The following DIAPH3 variants were observed in gnomAD, a reference collection of about 807,000 sequenced individuals.
DIAPH3 encodes the protein diaphanous related formin 3.
Under a neutral mutation model 144.3 loss-of-function variants are expected in DIAPH3, and 117 were observed. That is an observed-to-expected ratio of 0.81 (90% CI 0.70 to 0.95). The LOEUF (loss-of-function observed/expected upper bound fraction) is 0.95, where lower values mean the gene tolerates loss of function less well. Ranked by LOEUF, DIAPH3 falls within the 40% of genes least tolerant of loss-of-function variation. DIAPH3 has a pLI of 0.00. For synonymous variants in DIAPH3, 519 were observed against 488.9 expected (o/e 1.06, Z -0.81); for missense variants, 1,421 against 1,412.7 (o/e 1.01, Z -0.09).
chr13:60,155,845 C>G lies in DIAPH3; in HGVS notation c.180+7742G>C, dbSNP rs546319679. Among the ~76,000 whole-genome samples the G allele has an allele frequency of 2.5e-4, 38 of 152,288 alleles. 1 individual carries two copies. The South Asian group carries it at 3.7e-3, about 15-fold the overall frequency. On this transcript the variant is annotated intron_variant, in intron 1 of 27. Coordinates refer to ENST00000400324, the MANE Select transcript of DIAPH3 (RefSeq NM_001042517.2). ...ATGAATGGAGGTTTTGGTTGTTATTCCAGTGGTGGTTTATTTTTCTATTGT... is the reference window on the plus strand; with the variant it reads ...ATGAATGGAGGTTTTGGTTGTTATTGCAGTGGTGGTTTATTTTTCTATTGT...
At chr13:59,861,124 G>T in intron 22 of DIAPH3, 1 of 974,240 alleles carries the variant, frequency 1.0e-6, no homozygotes, top group Non-Finnish European at 1.4e-6. Flanking sequence ...AAGTGCAGGA[G>T]ATTTAGCAGT....
At chr13:60,050,915 G>T (rs1290349886) in intron 4 of DIAPH3, among the ~76,000 whole-genome samples, 1 of 152,110 alleles carries the variant, frequency 6.6e-6, no homozygotes, top group Non-Finnish European at 1.5e-5. Flanking sequence ...AACATTAGAT[G>T]TCCTCAATAT....
At chr13:59,870,144 G>A (rs1273950919) in intron 21 of DIAPH3, among the ~76,000 whole-genome samples, 1 of 150,156 alleles carries the variant, frequency 6.7e-6, no homozygotes, top group Non-Finnish European at 1.5e-5. Context: ...TAATTTTTGT[G>A]AAAGATATTA....
intron 27 of DIAPH3, among the ~76,000 whole-genome samples, chr13:59,674,930 G>A (rs2032560009): frequency 6.6e-6 from 1 of 152,212 alleles, no homozygotes; most frequent in Admixed American, 6.5e-5. Context: ...TAGATACCAG[G>A]TCAGAAGTAA....
At chr13:59,716,595 T>C (rs2035074631) in intron 27 of DIAPH3, among the ~76,000 whole-genome samples, 1 of 152,236 alleles carries the variant, frequency 6.6e-6, no homozygotes, top group Non-Finnish European at 1.5e-5. Context: ...ATATGCTGAA[T>C]AGCTCCTAGT....
At chr13:60,116,900 G>T (rs1288752240) in intron 2 of DIAPH3, among the ~76,000 whole-genome samples, 1 of 151,850 alleles carries the variant, frequency 6.6e-6, no homozygotes, top group Non-Finnish European at 1.5e-5. Flanking sequence ...CAAGCACCAG[G>T]CTAAGAGCTT....
chr13:60,131,791 CAT>C (rs2059149649), intron 2 of DIAPH3, among the ~76,000 whole-genome samples: 1 of 152,156 alleles, frequency 6.6e-6, no homozygotes, highest in Non-Finnish European at 1.5e-5. Context: ...AAACTTCAAA[CAT>C]AAAAATTGCA....
intron 17 of DIAPH3, among the ~76,000 whole-genome samples, chr13:59,960,995 G>A (rs2049724544): frequency 6.6e-6 from 1 of 152,008 alleles, no homozygotes; most frequent in African/African-American, 2.4e-5. Flanking sequence ...TAGATATACA[G>A]AATAATCTAT....
chr13:59,807,661 A>G (rs909697266), intron 25 of DIAPH3, among the ~76,000 whole-genome samples: 1 of 152,040 alleles, frequency 6.6e-6, no homozygotes, highest in African/African-American at 2.4e-5. Flanking sequence ...GGAAAGTCCT[A>G]TTGGGTGAAG....
intron 1 of DIAPH3, among the ~76,000 whole-genome samples, chr13:60,152,043 T>C (rs1951812163): frequency 6.6e-6 from 1 of 152,220 alleles, no homozygotes; most frequent in Admixed American, 6.5e-5. Context: ...AAAAACTGAA[T>C]GTTACAAAGT....
At chr13:60,044,883 G>A (rs1460636660) in intron 4 of DIAPH3, among the ~76,000 whole-genome samples, 2 of 152,060 alleles carry the variant, frequency 1.3e-5, no homozygotes, top group African/African-American at 4.8e-5. Context: ...GAGTTCTCAC[G>A]AGATCTGATG....
intron 27 of DIAPH3, among the ~76,000 whole-genome samples, chr13:59,723,118 C>G (rs1329390905): frequency 6.6e-6 from 1 of 152,282 alleles, no homozygotes; most frequent in African/African-American, 2.4e-5. Flanking sequence ...CTCTTTCCCC[C>G]ACTCTGAATG....
chr13:60,150,025 G>A (rs1441643287), intron 1 of DIAPH3, among the ~76,000 whole-genome samples: 1 of 151,908 alleles, frequency 6.6e-6, no homozygotes, highest in African/African-American at 2.4e-5. Flanking sequence ...TTGTTTTTCA[G>A]TTTATTTATT....
At chr13:59,904,960 A>G (rs2046645513) in intron 20 of DIAPH3, among the ~76,000 whole-genome samples, 2 of 152,150 alleles carry the variant, frequency 1.3e-5, no homozygotes, top group Admixed American at 1.3e-4. Flanking sequence ...AGAAATATGA[A>G]ATAAGTAAAA....
chr13:59,931,130 T>C (rs1355018617), intron 17 of DIAPH3, among the ~76,000 whole-genome samples: 1 of 152,310 alleles, frequency 6.6e-6, no homozygotes, highest in Non-Finnish European at 1.5e-5. Flanking sequence ...CTTTTTGCTA[T>C]TTTCAAGTCA....
chr13:59,821,421 A>T (rs1397746963), intron 24 of DIAPH3, among the ~76,000 whole-genome samples: 1 of 152,106 alleles, frequency 6.6e-6, no homozygotes, highest in African/African-American at 2.4e-5. Flanking sequence ...AAACATTTTA[A>T]TTTGGAAAAA....
rs566927990 is a variant in DIAPH3, at chr13:60,057,277, C to T, written c.496-14457G>A. 1.4e-3 allele frequency among the ~76,000 whole-genome samples: 206 copies of T among 151,914 alleles called. 2 individuals carry two copies. Among genetic ancestry groups the T allele is most frequent in the Non-Finnish European group, 2.4e-3 (160 of 67,828 alleles). On this transcript the variant is annotated intron_variant, in intron 4 of 27. Transcript: ENST00000400324. ...ACAACAACCAAGCTGAGAATCAAATCAAGAACTCAATCCCTTTTAAAACAG... is the reference window on the plus strand; with the variant it reads ...ACAACAACCAAGCTGAGAATCAAATTAAGAACTCAATCCCTTTTAAAACAG...
intron 27 of DIAPH3, among the ~76,000 whole-genome samples, chr13:59,717,613 T>C (rs886119659): frequency 6.6e-6 from 1 of 152,222 alleles, no homozygotes; most frequent in Non-Finnish European, 1.5e-5. Flanking sequence ...AATATTGTAT[T>C]TAAAGAACTT....
In DIAPH3 at chr13:59,983,663, T is replaced by C. The variant is rs2051178633; in HGVS notation, c.1480+106A>G. ...CTATTATGAAAACAGTTTTGACAATTAGGGCCCTCAGGAGTCCAGAGACAC... is the reference window on the plus strand; with the variant it reads ...CTATTATGAAAACAGTTTTGACAATCAGGGCCCTCAGGAGTCCAGAGACAC... On this transcript the variant is annotated intron_variant, in intron 13 of 27. Transcript: ENST00000400324. 4 of 736,846 alleles carry C rather than the reference T, an allele frequency of 5.4e-6. No individual in the cohort carries two copies. The East Asian group carries it at 1.0e-4, about 19-fold the overall frequency. 45.6% of individuals were successfully genotyped at this position (736,846 alleles called of 1,614,324 possible).
Sources: allele counts gnomAD v4.1 joint callset (sites outside exome capture counted in the v4.1 genomes callset), GRCh38; gene constraint gnomAD v4.1.1; transcripts MANE v1.5; gene names NCBI Gene and HGNC (gene_info 2026-07-23, HGNC 2026-07-21).